ACIN1: variants seen among roughly 807,000 people sequenced by gnomAD.
The protein encoded by ACIN1 is apoptotic chromatin condensation inducer in the nucleus.
Under a neutral mutation model 146.6 loss-of-function variants are expected in ACIN1, and 16 were observed. The observed-to-expected ratio is 0.11, with a 90% CI of 0.07 to 0.17. The LOEUF is 0.17. Among genes scored for constraint, ACIN1 ranks in the 10% least tolerant of loss-of-function variants. The probability of loss-of-function intolerance (pLI) is 1.00; values close to 1 mark genes in which losing one functional copy is unlikely to be tolerated. For missense variants in ACIN1, 1,357 were observed against 1,609.3 expected (o/e 0.84, Z 2.68); for synonymous variants, 569 against 582.7 (o/e 0.98, Z 0.34).
chr14:23,093,693 A>G, intron 1 of ACIN1, 149 bp from the exon 2 acceptor site: 1 of 649,858 alleles, frequency 1.5e-6, no homozygotes, highest in East Asian at 2.8e-5. Flanking sequence ...AAAACCCTTT[A>G]CTAACACTGT....
At chr14:23,064,546 A>G (rs1338829946) in intron 10 of ACIN1, 58 bp from the exon 11 acceptor site, 5 of 1,591,020 alleles carry the variant, frequency 3.1e-6, no homozygotes, top group Non-Finnish European at 4.3e-6. Context: ...GCTAGTTCAA[A>G]CCGTAATACC....
chr14:23,084,242 C>T (rs551537198), intron 4 of ACIN1, among the ~76,000 whole-genome samples: 16 of 152,268 alleles, frequency 1.1e-4, no homozygotes, highest in African/African-American at 3.1e-4. Context: ...CCACCATGCC[C>T]GGCCTTCTCT....
chr14:23,074,680 T>C (rs186998099), intron 8 of ACIN1, among the ~76,000 whole-genome samples: 1 of 152,208 alleles, frequency 6.6e-6, no homozygotes, highest in East Asian at 1.9e-4. Context: ...CAACATAGCT[T>C]AACAGTCTGT....
chr14:23,079,181 T>C, intron 6 of ACIN1, 143 bp from the exon 7 acceptor site: 4 of 892,190 alleles, frequency 4.5e-6, no homozygotes, highest in Non-Finnish European at 6.6e-6. Flanking sequence ...TGTCTGTGTT[T>C]ATTCCCATTT....
chr14:23,094,896 A>C, intron 1 of ACIN1, 79 bp downstream of exon 1: 2 of 1,497,728 alleles, frequency 1.3e-6, no homozygotes, highest in Non-Finnish European at 1.8e-6. Flanking sequence ...GAGCCCGGAT[A>C]CTGCGCCTGC....
Position 23,067,245 on chromosome 14 carries a change from AAAAG to A in ACIN1, c.2266-1241_2266-1238del. 1 of 910,466 alleles carries A rather than the reference AAAAG, an allele frequency of 1.1e-6. No individual in the cohort carries two copies. Among genetic ancestry groups the A allele is most frequent in the Non-Finnish European group, 1.3e-6 (1 of 761,384 alleles). The allele number at this position is 910,466 out of a possible 1,614,324, so 56.4% of individuals were successfully genotyped here. The stretch of plus-strand genomic sequence containing the variant: ...GAAAAAAATAAAATAAAATATTAAA[AAAAG>A]AAGAAGAAAATAAAGAAGAAAATAA... On this transcript the variant is annotated intron_variant, in intron 9 of 18. Transcript: ENST00000605057. This position sits in a 1 kb window ranked among gnomAD's most constrained non-coding sequence, Gnocchi z 4.6.
chr14:23,060,753 C>T (rs993172820), intron 18 of ACIN1, among the ~76,000 whole-genome samples: 2 of 152,116 alleles, frequency 1.3e-5, no homozygotes, highest in Admixed American at 1.3e-4. Context: ...TGAGGTGATC[C>T]ACCCGACTCG....
chr14:23,073,299 C>T (rs1191874561), intron 8 of ACIN1, among the ~76,000 whole-genome samples: 1 of 152,156 alleles, frequency 6.6e-6, no homozygotes, highest in Non-Finnish European at 1.5e-5. Context: ...GTAATGTTCC[C>T]TAACTATTTC....
intron 1 of ACIN1, chr14:23,094,628 C>T: frequency 1.1e-6 from 1 of 927,448 alleles, no homozygotes; most frequent in Non-Finnish European, 1.4e-6. Flanking sequence ...CTCAGGCCAG[C>T]AACGCCGTAG....
rs562177520 is a variant in ACIN1, at chr14:23,073,562, G to A, written c.2124-3945C>T. Among the ~76,000 whole-genome samples the A allele has an allele frequency of 5.3e-5, 8 of 152,272 alleles. No individual in the cohort carries two copies. The South Asian group carries it at 1.7e-3, about 32-fold the overall frequency. ...AATCCCAGCTACTCGGGAGGCTGAG[G>A]CAGGAGAATCACTTGAACCCAGGAT... On this transcript the variant is annotated intron_variant, in intron 8 of 18. Transcript: ENST00000605057.
rs549952729 is a variant in ACIN1, at chr14:23,061,842, C to T, written c.3100-220G>A. ...CAAAAAAATTAGCCGGGCGTGGTGGCGGGCGCCTGTAGTCCCAGCTATTCG... is the reference window on the plus strand; with the variant it reads ...CAAAAAAATTAGCCGGGCGTGGTGGTGGGCGCCTGTAGTCCCAGCTATTCG... On this transcript the variant is annotated intron_variant, in intron 16 of 18. Coordinates refer to ENST00000605057, the MANE Select transcript of ACIN1 (RefSeq NM_001386863.1). Among the ~76,000 whole-genome samples, 62 of 151,980 alleles carry T rather than the reference C, an allele frequency of 4.1e-4. No homozygotes were observed. The South Asian group carries it at 7.9e-3, about 19-fold the overall frequency.
chr14:23,073,839 C>CTT lies in ACIN1; in HGVS notation c.2124-4224_2124-4223dup, dbSNP rs530712203. Among the ~76,000 whole-genome samples the CTT allele has an allele frequency of 4.6e-3, 626 of 135,826 alleles. 10 individuals are homozygous for CTT. Among genetic ancestry groups the CTT allele is most frequent in the African/African-American group, 0.015 (554 of 35,968 alleles). The allele number at this position is 135,826 out of a possible 152,430, so 89.1% of individuals were successfully genotyped here. On this transcript the variant is annotated intron_variant, in intron 8 of 18. Coordinates refer to ENST00000605057, the MANE Select transcript of ACIN1 (RefSeq NM_001386863.1). ...TGAGAAATTTTGTTATTGAAAATTCCTTTTTTTTTTTTTTTTTGAGACGGA... is the reference window on the plus strand; with the variant it reads ...TGAGAAATTTTGTTATTGAAAATTCCTTTTTTTTTTTTTTTTTTTGAGACGGA...
At chr14:23,082,437 A>ATT (rs11378976) in intron 4 of ACIN1, among the ~76,000 whole-genome samples, 14,029 of 95,468 alleles carry the variant, frequency 0.15, 1,310 homozygotes, top group African/African-American at 0.17. Flanking sequence ...AGAGCTCAAT[A>ATT]TTTTTTTTTT....
upstream of ACIN1, chr14:23,095,369 G>A: frequency 6.7e-7 from 1 of 1,491,280 alleles, no homozygotes; most frequent in Non-Finnish European, 9.1e-7. Context: ...TCGTCTTGCC[G>A]AAGCTTTGAA....
At chr14:23,089,596 G>A (rs1361015883) in intron 4 of ACIN1, among the ~76,000 whole-genome samples, 1 of 152,132 alleles carries the variant, frequency 6.6e-6, no homozygotes, top group Non-Finnish European at 1.5e-5. Context: ...TATACAACAA[G>A]TACACAATAA....
chr14:23,063,274 A>G, intron 13 of ACIN1, 162 bp downstream of exon 13: 1 of 1,147,624 alleles, frequency 8.7e-7, no homozygotes, highest in South Asian at 1.6e-5. Context: ...AACAGAGTCA[A>G]ATCTGGCCCT....
In ACIN1 at chr14:23,095,135, G is replaced by A. The variant is rs749602073; in HGVS notation, c.-23C>T. The A allele has an allele frequency of 2.5e-6, 4 of 1,614,218 alleles. No individual in the cohort carries two copies. The highest frequency in any genetic ancestry group is 3.4e-6 in the Non-Finnish European group (4 of 1,180,046). On this transcript the variant is annotated 5_prime_UTR_variant, in exon 1 of 19. The change creates a new upstream start codon in the 5' untranslated region. Coordinates refer to ENST00000605057, the MANE Select transcript of ACIN1 (RefSeq NM_001386863.1). ...CATCTTGCGTGAGGTACTCGGGTCC[G>A]TCCCGACGGCTTCGGGCATCTTCGG...
At chr14:23,079,097 G>C in intron 6 of ACIN1, 59 bp from the exon 7 acceptor site, 2 of 1,496,464 alleles carry the variant, frequency 1.3e-6, no homozygotes, top group Non-Finnish European at 1.8e-6. Flanking sequence ...ATATTCAGTA[G>C]ATTGCTGAGT....
chr14:23,078,012 C>CCA, intron 8 of ACIN1, 139 bp downstream of exon 8: 1 of 744,096 alleles, frequency 1.3e-6, no homozygotes, highest in Non-Finnish European at 2.2e-6. Flanking sequence ...TAACTGAAGT[C>CCA]TAGCCTTTGT....
Sources: allele counts gnomAD v4.1 joint callset (sites outside exome capture counted in the v4.1 genomes callset), GRCh38; gene constraint gnomAD v4.1.1; non-coding constraint Gnocchi (gnomAD v3.1); transcripts MANE v1.5; gene names NCBI Gene and HGNC (gene_info 2026-07-23, HGNC 2026-07-21).